Variants in PCLO observed in about 807,000 individuals in gnomAD.
PCLO encodes the protein protein piccolo.
PCLO carries 82 observed loss-of-function variants against 427.5 expected under a neutral mutation model. The observed-to-expected ratio is 0.19, with a 90% confidence interval of 0.16 to 0.23. The LOEUF is 0.23. Among genes scored for constraint, PCLO ranks in the 10% least tolerant of loss-of-function variants. The pLI is 1.00. For missense variants in PCLO, 6,239 were observed against 6,115.9 expected (o/e 1.02, Z -0.67); for synonymous variants, 2,357 against 2,155.4 (o/e 1.09, Z -2.59).
At chr7:82,930,141 T>G (rs1794807604) in intron 6 of PCLO, among the ~76,000 whole-genome samples, 1 of 152,110 alleles carries the variant, frequency 6.6e-6, no homozygotes, top group East Asian at 1.9e-4. Context: ...GGAGACAACT[T>G]GTATGTAGTT....
chr7:82,957,050 T>C, intron 4 of PCLO, 115 bp from the exon 5 acceptor site: 4 of 1,115,160 alleles, frequency 3.6e-6, no homozygotes, highest in Non-Finnish European at 2.4e-6. Flanking sequence ...GAAAATTTTT[T>C]CAACCATATC....
At chr7:82,862,109 CA>C (rs1661266912) in intron 10 of PCLO, among the ~76,000 whole-genome samples, 1 of 151,734 alleles carries the variant, frequency 6.6e-6, no homozygotes, top group African/African-American at 2.4e-5. Flanking sequence ...TAATAAAGAA[CA>C]GAGTGGAAAT....
At position 82,956,392 on chromosome 7, in the gene PCLO, T is replaced by C; in HGVS notation, c.4561A>G (p.Asn1521Asp). 1 of 1,613,622 alleles carries C rather than the reference T, an allele frequency of 6.2e-7. No homozygotes were observed. The highest frequency in any genetic ancestry group is 8.5e-7 in the Non-Finnish European group (1 of 1,179,858). ...DSVEESSESE[N>D]SPVPQRKRRT... ...CGTTTTCTTTGTGGAACAGGTGAGT[T>C]TTCACTTTCACTACTCTCTTCAACT... Residue 1521 changes from asparagine (N) to aspartate (D), a missense_variant, in exon 5 of 25, where the codon AAC (asparagine) becomes GAC (aspartate). Transcript: ENST00000333891.
chr7:82,817,827 C>G (rs1019166984), intron 20 of PCLO, among the ~76,000 whole-genome samples: 16 of 152,072 alleles, frequency 1.1e-4, no homozygotes, highest in Admixed American at 3.9e-4. Context: ...TTTTATTGAC[C>G]AGGGTAGAGG....
chr7:83,118,047 ACAAAT>A (rs1791178045), intron 3 of PCLO, among the ~76,000 whole-genome samples: 2 of 152,226 alleles, frequency 1.3e-5, no homozygotes, highest in Admixed American at 1.3e-4. Context: ...AGGTGGCACT[ACAAAT>A]CAGAGTACAA....
At chr7:83,020,383 C>T (rs1404438832) in intron 3 of PCLO, among the ~76,000 whole-genome samples, 1 of 144,122 alleles carries the variant, frequency 6.9e-6, no homozygotes, top group East Asian at 2.0e-4. Context: ...AACTTAATCC[C>T]TATTTGGTAG....
At chr7:82,867,022 C>A (rs1318396285) in intron 10 of PCLO, among the ~76,000 whole-genome samples, 1 of 152,072 alleles carries the variant, frequency 6.6e-6, no homozygotes, top group Non-Finnish European at 1.5e-5. Flanking sequence ...TTCTGCATTT[C>A]TTTATTTCTG....
In PCLO at chr7:83,156,002, T is replaced by C. The variant is rs1224143939; in HGVS notation, c.639A>G (p.Gln213=). The part of the protein sequence containing the change: ...PEGIIKPPLQ[Q]QPPKPIPKQQ... ...GCTTAGGAATCGGCTTGGGTGGCTG[T>C]TGTTGTAAAGGAGGTTTTATGATTC... is the stretch of plus-strand genomic sequence containing the variant. The change falls in exon 2 of 25, where the codon CAA becomes CAG. Residue 213 remains glutamine (Q), a synonymous_variant. Coordinates refer to ENST00000333891, the MANE Select transcript of PCLO (RefSeq NM_033026.6). 3 of 1,613,664 alleles carry C rather than the reference T, an allele frequency of 1.9e-6. No homozygotes were observed. The highest frequency in any genetic ancestry group is 1.6e-4 in the Middle Eastern group (1 of 6,062).
intron 2 of PCLO, among the ~76,000 whole-genome samples, chr7:83,145,352 G>A (rs1008327484): frequency 6.6e-6 from 1 of 152,064 alleles, no homozygotes; most frequent in Non-Finnish European, 1.5e-5. Flanking sequence ...TAAGTATTCT[G>A]AAAATATCCC....
intron 10 of PCLO, among the ~76,000 whole-genome samples, chr7:82,877,403 T>G (rs987873856): frequency 4.6e-5 from 7 of 152,168 alleles, no homozygotes; most frequent in Non-Finnish European, 7.3e-5. Context: ...TTCATTTTTC[T>G]TCTAGGGTAT....
intron 9 of PCLO, among the ~76,000 whole-genome samples, chr7:82,882,607 T>C (rs533994584): frequency 1.3e-5 from 2 of 152,276 alleles, no homozygotes; most frequent in East Asian, 3.9e-4. Context: ...AAGAAAGTGT[T>C]ATAGAGAAGT....
At chr7:83,160,667 T>C (rs976758141) in intron 1 of PCLO, among the ~76,000 whole-genome samples, 4 of 152,100 alleles carry the variant, frequency 2.6e-5, no homozygotes, top group African/African-American at 9.7e-5. Context: ...AAGTATACTA[T>C]CTGATGCAAA....
At chr7:82,804,380 G>C (rs17212221) in intron 21 of PCLO, among the ~76,000 whole-genome samples, 34,660 of 152,010 alleles carry the variant, frequency 0.23, 5,189 homozygotes, top group Non-Finnish European at 0.33. Flanking sequence ...AAATGAACTC[G>C]TTTTTCACTG....
chr7:82,908,822 T>G, intron 8 of PCLO, 55 bp downstream of exon 8: 1 of 1,450,386 alleles, frequency 6.9e-7, no homozygotes, highest in Non-Finnish European at 9.6e-7. Flanking sequence ...CATTCTAGGG[T>G]AGACTTGAGT....
At chr7:82,819,077 T>C (rs1048651163) in intron 20 of PCLO, among the ~76,000 whole-genome samples, 3 of 152,198 alleles carry the variant, frequency 2.0e-5, no homozygotes, top group African/African-American at 7.2e-5. Context: ...TTTAACACTA[T>C]AGTATGTTTG....
intron 3 of PCLO, among the ~76,000 whole-genome samples, chr7:82,971,869 C>T (rs957026208): frequency 3.3e-5 from 5 of 151,112 alleles, no homozygotes; most frequent in Admixed American, 2.0e-4. Flanking sequence ...CTTGTGGATG[C>T]TTTAAGACTG....
intron 2 of PCLO, among the ~76,000 whole-genome samples, chr7:83,141,701 C>T (rs955599618): frequency 6.6e-6 from 1 of 152,138 alleles, no homozygotes; most frequent in African/African-American, 2.4e-5. Flanking sequence ...TATAGTAATA[C>T]AAGTTCATTG....
In PCLO at chr7:83,135,186, T is replaced by C. The variant is rs1791690545; in HGVS notation, c.2364A>G (p.Glu788=). 6.2e-7 allele frequency: 1 copy of C among 1,613,978 alleles called. No individual in the cohort carries two copies. Among genetic ancestry groups the C allele is most frequent in the East Asian group, 2.2e-5 (1 of 44,858 alleles). ...TTTTTAGAGGAGGGGTTGTTTTCTC[T>C]TCAGCTTGTGACTGTACTTTGGAGC... ...IPSSKVQSQA[E]EKTTPPLKTD... is the part of the protein sequence containing the mutation. Residue 788 remains glutamate, a synonymous_variant, in exon 3 of 25, where the codon GAA becomes GAG. Transcript: ENST00000333891.
At position 82,779,973 on chromosome 7, in the gene PCLO, T is replaced by C. The variant is rs189998516; in HGVS notation, c.15008-18480A>G. Among the ~76,000 whole-genome samples the C allele has an allele frequency of 1.6e-4, 24 of 152,256 alleles. No homozygotes were observed. The East Asian group carries it at 4.5e-3, about 28-fold the overall frequency. On this transcript the variant is annotated intron_variant, in intron 22 of 24. Transcript: ENST00000333891. ...ATGAACTAATAGAGTGTTCAGCATA[T>C]TTTAAGCTCTCAGTAGGTGTTAGTT...
Sources: gnomAD v4.1 joint callset for allele counts (sites outside exome capture counted in the v4.1 genomes callset) on GRCh38, gnomAD v4.1.1 for gene constraint, MANE v1.5 for transcripts, NCBI Gene and HGNC (gene_info 2026-07-23, HGNC 2026-07-21) for gene names.